The following RNF157 variants were observed in gnomAD, a reference collection of about 807,000 sequenced individuals.
The protein encoded by RNF157 is ring finger protein 157, also known as E3 ubiquitin ligase RNF157.
A neutral mutation model predicts 88.3 loss-of-function variants in RNF157; 55 were observed. The ratio of observed to expected loss-of-function variants is 0.62; its 90% CI spans 0.50 to 0.78. The LOEUF is 0.78. Ranked by LOEUF, RNF157 falls within the 30% of genes least tolerant of loss-of-function variation. The pLI is 0.00. For synonymous variants in RNF157, 334 were observed against 341.2 expected (o/e 0.98, Z 0.23); for missense variants, 788 against 860.8 (o/e 0.92, Z 1.06).
chr17:76,221,926 CA>C (rs1457776151), intron 1 of RNF157, among the ~76,000 whole-genome samples: 2 of 152,084 alleles, frequency 1.3e-5, no homozygotes, highest in African/African-American at 4.8e-5. Context: ...CAAAAGGTCA[CA>C]TACTGTAGTA....
chr17:76,152,293 G>T, intron 18 of RNF157, 62 bp downstream of exon 18: 1 of 1,070,084 alleles, frequency 9.3e-7, no homozygotes, highest in Non-Finnish European at 1.5e-6. Context: ...CAGGGTGAGA[G>T]CAGGGGTAAG....
intron 8 of RNF157, 127 bp downstream of exon 8, chr17:76,164,621 A>T: frequency 1.9e-6 from 1 of 530,676 alleles, no homozygotes; most frequent in Non-Finnish European, 3.2e-6. Context: ...TAAAAAAAAA[A>T]AAAGAGGAAA....
chr17:76,154,415 G>T, intron 16 of RNF157, 87 bp from the exon 17 acceptor site: 1 of 866,254 alleles, frequency 1.2e-6, no homozygotes, highest in Non-Finnish European at 2.0e-6. Context: ...CATCCTACTG[G>T]TATCTAACTC....
intron 2 of RNF157, among the ~76,000 whole-genome samples, chr17:76,201,449 T>C (rs2069576821): frequency 6.6e-6 from 1 of 151,878 alleles, no homozygotes; most frequent in Non-Finnish European, 1.5e-5. Flanking sequence ...GAGTTCCAGG[T>C]TACAGTGAGC....
At chr17:76,197,871 C>CT (rs371835725) in intron 2 of RNF157, among the ~76,000 whole-genome samples, 216 of 152,320 alleles carry the variant, frequency 1.4e-3, no homozygotes, top group African/African-American at 5.1e-3. Flanking sequence ...GGAGTGAACT[C>CT]TAAGACTTGA....
intron 2 of RNF157, among the ~76,000 whole-genome samples, chr17:76,200,793 T>C (rs958552366): frequency 6.6e-6 from 1 of 152,198 alleles, no homozygotes; most frequent in African/African-American, 2.4e-5. Flanking sequence ...TACTGTCAGG[T>C]TGCTGAAAAG....
At chr17:76,151,931 C>T (rs949857677) in intron 18 of RNF157, among the ~76,000 whole-genome samples, 1 of 152,198 alleles carries the variant, frequency 6.6e-6, no homozygotes, top group East Asian at 1.9e-4. Flanking sequence ...AGCTGAAACA[C>T]ATTTCTTCTG....
At chr17:76,204,782 CTTT>C (rs577037374) in intron 2 of RNF157, among the ~76,000 whole-genome samples, 1 of 139,740 alleles carries the variant, frequency 7.2e-6, no homozygotes, top group Admixed American at 7.1e-5. Flanking sequence ...TTCTTTCTTT[CTTT>C]TTTTTTTTTT....
At chr17:76,239,486 A>G (rs1465261233) in intron 1 of RNF157, among the ~76,000 whole-genome samples, 1 of 152,142 alleles carries the variant, frequency 6.6e-6, no homozygotes, top group African/African-American at 2.4e-5. Context: ...GGGCAATCCG[A>G]GTAACTCTGA....
chr17:76,185,433 C>T (rs2069264782), intron 2 of RNF157, among the ~76,000 whole-genome samples: 1 of 151,536 alleles, frequency 6.6e-6, no homozygotes, highest in Non-Finnish European at 1.5e-5. Flanking sequence ...TCCCCTCCAG[C>T]GAGTTGGTAA....
At chr17:76,199,570 T>TA (rs34151599) in intron 2 of RNF157, among the ~76,000 whole-genome samples, 7,092 of 110,944 alleles carry the variant, frequency 0.064, 272 homozygotes, top group Admixed American at 0.11. Context: ...AGCTGAAAGT[T>TA]AAAAAAAAAA....
At chr17:76,190,468 T>G (rs1327523465) in intron 2 of RNF157, among the ~76,000 whole-genome samples, 1 of 151,854 alleles carries the variant, frequency 6.6e-6, no homozygotes. Context: ...TGCTTGGCCA[T>G]TCTCTCTTTT....
Position 76,216,890 on chromosome 17 carries a change from C to CA in RNF157, c.89-4409dup, listed in dbSNP as rs202026911. Among the ~76,000 whole-genome samples the CA allele has an allele frequency of 3.9e-3, 563 of 144,918 alleles. 4 individuals carry two copies. Among genetic ancestry groups the CA allele is most frequent in the East Asian group, 0.014 (69 of 4,982 alleles). The stretch of plus-strand genomic sequence containing the variant: ...TGGGTAAAAGAGCAAGACCCTGTGT[C>CA]AAAAAAAAACAAAAACAAAAACAAA... On this transcript the variant is annotated intron_variant, in intron 1 of 18. Coordinates refer to ENST00000269391, the MANE Select transcript of RNF157 (RefSeq NM_052916.3).
In RNF157 at chr17:76,195,732, G is replaced by A. The variant is rs893874755; in HGVS notation, c.207+16632C>T. On this transcript the variant is annotated intron_variant, in intron 2 of 18. Transcript: ENST00000269391. The surrounding 1 kb of genome is among the most constrained non-coding windows in gnomAD (Gnocchi z 4.4). ...GCACAGGAATAGTTTGTTCCTTCTCGTTGCTGTACGCCATTGAGGTAGGAT... is the reference window on the plus strand; with the variant it reads ...GCACAGGAATAGTTTGTTCCTTCTCATTGCTGTACGCCATTGAGGTAGGAT... 5.9e-5 allele frequency among the ~76,000 whole-genome samples: 9 copies of A among 152,188 alleles called. No individual in the cohort carries two copies. The highest frequency in any genetic ancestry group is 3.3e-4 in the Admixed American group (5 of 15,260).
At position 76,161,684 on chromosome 17, in the gene RNF157, T is replaced by C. The variant is rs919229191; in HGVS notation, c.953-37A>G. 1 of 1,579,064 alleles carries C rather than the reference T, an allele frequency of 6.3e-7. No homozygotes were observed. ...AAAACAGGCAATCAGGACATCCTGA[T>C]ACAGGATTAAGAATGAACAAGAGCC... On this transcript the variant is annotated intron_variant, in intron 10 of 18. Coordinates refer to ENST00000269391, the MANE Select transcript of RNF157 (RefSeq NM_052916.3). This position sits in a 1 kb window ranked among gnomAD's most constrained non-coding sequence, Gnocchi z 4.6.
At chr17:76,171,584 C>G (rs2069015645) in intron 3 of RNF157, among the ~76,000 whole-genome samples, 1 of 152,118 alleles carries the variant, frequency 6.6e-6, no homozygotes, top group Admixed American at 6.5e-5. Flanking sequence ...ACCTGGAAAT[C>G]CGAGAATCAG....
At chr17:76,147,181 T>C in intron 18 of RNF157, 1 of 984,658 alleles carries the variant, frequency 1.0e-6, no homozygotes, top group East Asian at 1.1e-4. Context: ...AGGATAAATA[T>C]AAGGCAATAT....
At chr17:76,214,742 G>A (rs989354703) in intron 1 of RNF157, among the ~76,000 whole-genome samples, 5 of 152,086 alleles carry the variant, frequency 3.3e-5, no homozygotes, top group Non-Finnish European at 5.9e-5. Flanking sequence ...TCAGCCAGGA[G>A]GCAGAAATAT....
intron 18 of RNF157, chr17:76,145,564 G>T (rs2068572519): frequency 6.0e-6 from 3 of 503,804 alleles, no homozygotes; most frequent in Middle Eastern, 1.0e-3. Flanking sequence ...CCCTGGGCTA[G>T]GTACAGTCAC....
Sources: allele counts gnomAD v4.1 joint callset (sites outside exome capture counted in the v4.1 genomes callset), GRCh38; gene constraint gnomAD v4.1.1; non-coding constraint Gnocchi (gnomAD v3.1); transcripts MANE v1.5; gene names NCBI Gene and HGNC (gene_info 2026-07-23, HGNC 2026-07-21).